The following SMAD2 variants were observed in gnomAD, a reference collection of about 807,000 sequenced individuals.
SMAD2 encodes the protein MAD homolog 2.
Under a neutral mutation model 64.4 loss-of-function variants are expected in SMAD2, and 8 were observed. The ratio of observed to expected loss-of-function variants is 0.12; its 90% CI spans 0.07 to 0.22. The LOEUF (loss-of-function observed/expected upper bound fraction) is 0.22, where lower values mean the gene tolerates loss of function less well. SMAD2 is among the 10% of genes least tolerant of loss of function. The pLI is 1.00. For synonymous variants in SMAD2, 203 were observed against 195.8 expected, an observed-to-expected ratio of 1.04 and a Z score of -0.31; for missense variants, 289 against 561.2, an observed-to-expected ratio of 0.51 and a Z score of 4.90.
At position 47,824,920 on chromosome 18, in the gene SMAD2, C is replaced by G. The variant is rs1912694794; in HGVS notation, c.*16907G>C. 2.6e-5 allele frequency: 4 copies of G among 152,148 alleles called. No homozygotes were observed. Among genetic ancestry groups the G allele is most frequent in the Admixed American group, 2.0e-4 (3 of 15,278 alleles). The allele number at this position is 152,148 out of a possible 1,614,324, so 9.4% of individuals were successfully genotyped here. On this transcript the variant is annotated 3_prime_UTR_variant, in exon 11 of 11. Transcript: ENST00000262160. ...TTCCTTATGATTTTAGTAGCTTTCTCTAATGGAATGTGCTGTGAGTGAAGC... is the reference window on the plus strand; with the variant it reads ...TTCCTTATGATTTTAGTAGCTTTCTGTAATGGAATGTGCTGTGAGTGAAGC...
chr18:47,906,399 C>T (rs1249562345), intron 1 of SMAD2, among the ~76,000 whole-genome samples: 1 of 152,098 alleles, frequency 6.6e-6, no homozygotes, highest in Non-Finnish European at 1.5e-5. Context: ...AAGGTAAGCT[C>T]AGCTTTTTTG....
At chr18:47,886,550 A>G (rs1290153710) in intron 2 of SMAD2, among the ~76,000 whole-genome samples, 6 of 149,060 alleles carry the variant, frequency 4.0e-5, no homozygotes. Context: ...AATTTCAGAG[A>G]AACTATATCT....
intron 1 of SMAD2, among the ~76,000 whole-genome samples, chr18:47,897,058 CA>C (rs1333140260): frequency 3.9e-5 from 6 of 152,142 alleles, no homozygotes; most frequent in African/African-American, 1.4e-4. Context: ...CAAGTAAAAT[CA>C]GATACTTTTA....
chr18:47,841,307 C>G lies in SMAD2; in HGVS notation c.*520G>C. Reference sequence around the variant, plus strand: ...AAAATTAGTTTTTCTACAGGAAAATCTGCTTCTAAATAATTTGAAAATCTT... The same window carrying G: ...AAAATTAGTTTTTCTACAGGAAAATGTGCTTCTAAATAATTTGAAAATCTT... On this transcript the variant is annotated 3_prime_UTR_variant, in exon 11 of 11. Coordinates refer to ENST00000262160, the MANE Select transcript of SMAD2 (RefSeq NM_005901.6). 4.3e-6 allele frequency: 1 copy of G among 233,370 alleles called. No individual in the cohort carries two copies. The highest frequency in any genetic ancestry group is 5.6e-5 in the Admixed American group (1 of 17,858). The allele number at this position is 233,370 out of a possible 1,614,324, so 14.5% of individuals were successfully genotyped here.
intron 2 of SMAD2, among the ~76,000 whole-genome samples, chr18:47,894,562 A>T (rs2033348918): frequency 6.6e-6 from 1 of 152,084 alleles, no homozygotes; most frequent in African/African-American, 2.4e-5. Context: ...ACACCACCGC[A>T]CTACATGTGA....
intron 2 of SMAD2, among the ~76,000 whole-genome samples, chr18:47,877,193 T>TCC (rs2032315397): frequency 2.0e-5 from 3 of 151,438 alleles, no homozygotes; most frequent in Non-Finnish European, 4.4e-5. Context: ...TCAAAAGGGA[T>TCC]AACAACCTAA....
chr18:47,848,413 T>C (rs2144298837), intron 8 of SMAD2, 62 bp downstream of exon 8: 2 of 1,248,260 alleles, frequency 1.6e-6, no homozygotes, highest in Non-Finnish European at 2.4e-6. Flanking sequence ...TGGCACACCA[T>C]GCAATGCCTA....
rs569011588 is a variant in SMAD2 at position 47,816,401 on chromosome 18, T to A, written c.*25426A>T. The A allele has an allele frequency of 1.4e-4, 21 of 152,340 alleles. No individual in the cohort carries two copies. In the East Asian group the frequency reaches 1.7e-3, roughly 13 times the overall value. 9.4% of individuals were successfully genotyped at this position (152,340 alleles called of 1,614,324 possible). A position where few individuals can be genotyped will look rare whatever the true frequency, so the allele number is the denominator to read the frequency against. ...AATTGGAAAATGAGAAAAGATAGTCTGGTATAACTGCCTGAACAACTTATT... is the reference window on the plus strand; with the variant it reads ...AATTGGAAAATGAGAAAAGATAGTCAGGTATAACTGCCTGAACAACTTATT... On this transcript the variant is annotated 3_prime_UTR_variant, in exon 11 of 11. Transcript: ENST00000262160.
At chr18:47,919,219 AC>A in intron 1 of SMAD2, among the ~76,000 whole-genome samples, 1 of 152,136 alleles carries the variant, frequency 6.6e-6, no homozygotes, top group East Asian at 1.9e-4. Flanking sequence ...AAAATTTCCA[AC>A]CTAGACTTAT....
At chr18:47,871,666 C>A (rs1056142075) in intron 2 of SMAD2, among the ~76,000 whole-genome samples, 3 of 151,982 alleles carry the variant, frequency 2.0e-5, no homozygotes, top group Non-Finnish European at 4.4e-5. Flanking sequence ...TTTATAGATT[C>A]TCTTGCTTTT....
intron 2 of SMAD2, among the ~76,000 whole-genome samples, chr18:47,877,423 A>G (rs1340068266): frequency 1.3e-5 from 2 of 152,130 alleles, no homozygotes; most frequent in African/African-American, 4.8e-5. Context: ...TAAGACTAAA[A>G]GTTTAGATTT....
At chr18:47,909,158 T>G (rs2034023266) in intron 1 of SMAD2, among the ~76,000 whole-genome samples, 1 of 152,130 alleles carries the variant, frequency 6.6e-6, no homozygotes, top group South Asian at 2.1e-4. Context: ...AAACAACTTT[T>G]GATCTCATAT....
At chr18:47,907,962 T>TTC (rs541175132) in intron 1 of SMAD2, among the ~76,000 whole-genome samples, 84 of 152,174 alleles carry the variant, frequency 5.5e-4, no homozygotes, top group Non-Finnish European at 1.1e-3. Flanking sequence ...AACTGAACAT[T>TTC]TGAAGTCTGT....
chr18:47,850,841 ATTATATATT>A (rs1248795836), intron 7 of SMAD2, among the ~76,000 whole-genome samples: 1 of 19,210 alleles, frequency 5.2e-5, no homozygotes, highest in Non-Finnish European at 7.5e-5. Flanking sequence ...TATTATGTAT[ATTATATATT>A]ATATATATTA....
intron 1 of SMAD2, among the ~76,000 whole-genome samples, chr18:47,918,812 A>G (rs1297066804): frequency 2.6e-5 from 4 of 152,156 alleles, no homozygotes; most frequent in African/African-American, 9.7e-5. Context: ...TCCAGAAAGT[A>G]GAAAAGAAAG....
At position 47,858,106 on chromosome 18, in the gene SMAD2, T is replaced by C. The variant is rs540176177; in HGVS notation, c.731-6779A>G. 4.6e-5 allele frequency among the ~76,000 whole-genome samples: 7 copies of C among 152,154 alleles called. No individual in the cohort carries two copies. The East Asian group carries it at 7.7e-4, about 17-fold the overall frequency. ...TTTTAATCTCTAATATTATTATATA[T>C]ACAACACCCACTATCCAATTAAAAA... On this transcript the variant is annotated intron_variant, in intron 6 of 10. Coordinates refer to ENST00000262160, the MANE Select transcript of SMAD2 (RefSeq NM_005901.6).
At chr18:47,912,810 G>T (rs1308922142) in intron 1 of SMAD2, among the ~76,000 whole-genome samples, 1 of 88,050 alleles carries the variant, frequency 1.1e-5, no homozygotes, top group East Asian at 3.8e-4. Flanking sequence ...CCATTCATAA[G>T]AATTTAGCCT....
intron 6 of SMAD2, 104 bp downstream of exon 6, chr18:47,864,955 G>C (rs565316226): frequency 1.4e-6 from 1 of 729,846 alleles, no homozygotes; most frequent in Non-Finnish European, 2.4e-6. Flanking sequence ...TTTGGTATGC[G>C]TCTCAACTTC....
intron 1 of SMAD2, among the ~76,000 whole-genome samples, chr18:47,919,415 CCCT>C (rs2034466280): frequency 6.6e-6 from 1 of 150,878 alleles, no homozygotes; most frequent in South Asian, 2.1e-4. Flanking sequence ...GCCATGATCA[CCCT>C]ACTACACTCC....
Sources: allele counts gnomAD v4.1 joint callset (sites outside exome capture counted in the v4.1 genomes callset), GRCh38; gene constraint gnomAD v4.1.1; transcripts MANE v1.5; gene names NCBI Gene and HGNC (gene_info 2026-07-23, HGNC 2026-07-21).